Variants in BRINP1 observed in about 807,000 individuals in gnomAD.
BRINP1 encodes the protein BMP/retinoic acid inducible neural specific 1.
A neutral mutation model predicts 72.9 loss-of-function variants in BRINP1; 17 were observed. The observed-to-expected ratio is 0.23, with a 90% CI of 0.16 to 0.35. The LOEUF (loss-of-function observed/expected upper bound fraction) is 0.35, where lower values mean the gene tolerates loss of function less well. BRINP1 is among the 10% of genes least tolerant of loss of function. The probability of loss-of-function intolerance (pLI) is 1.00; values close to 1 mark genes in which losing one functional copy is unlikely to be tolerated. For synonymous variants in BRINP1, 418 were observed against 378.5 expected, an observed-to-expected ratio of 1.10 and a Z score of -1.21; for missense variants, 850 against 1,001.6, an observed-to-expected ratio of 0.85 and a Z score of 2.04.
chr9:119,242,262 T>C, intron 3 of BRINP1, 46 bp from the exon 4 acceptor site: 1 of 1,540,918 alleles, frequency 6.5e-7, no homozygotes, highest in Non-Finnish European at 8.9e-7. Context: ...GGAGCTTTCA[T>C]GTGAGAGGAC....
intron 2 of BRINP1, among the ~76,000 whole-genome samples, chr9:119,285,524 T>C (rs1830752872): frequency 6.6e-6 from 1 of 152,176 alleles, no homozygotes; most frequent in Non-Finnish European, 1.5e-5. Context: ...CTAATAAGTG[T>C]TAGAGGTGTG....
chr9:119,207,592 A>G (rs1218167924), intron 7 of BRINP1, among the ~76,000 whole-genome samples: 2 of 152,170 alleles, frequency 1.3e-5, no homozygotes, highest in Non-Finnish European at 1.5e-5. Context: ...TTGTCTTGAG[A>G]TATTTTCAAA....
chr9:119,257,482 G>A (rs750644978), intron 2 of BRINP1, among the ~76,000 whole-genome samples: 1 of 152,182 alleles, frequency 6.6e-6, no homozygotes, highest in Non-Finnish European at 1.5e-5. Flanking sequence ...ATTGAACCCC[G>A]AATAAAGGTT....
chr9:119,307,093 T>G (rs1326359512), intron 2 of BRINP1, among the ~76,000 whole-genome samples: 1 of 151,928 alleles, frequency 6.6e-6, no homozygotes, highest in Non-Finnish European at 1.5e-5. Flanking sequence ...GGCTATCCTA[T>G]GCATTGTAAG....
rs1413313753 is a variant in BRINP1, at chr9:119,213,995, G to A, written c.846C>T (p.Asp282=). The change falls in exon 6 of 8, where the codon GAC becomes GAT. Residue 282 remains aspartate, a synonymous_variant. Coordinates refer to ENST00000265922, the MANE Select transcript of BRINP1 (RefSeq NM_014618.3). ...CCAGCGTGTACTCCATGATCTGGAT[G>A]TCCGTGATGGGGCAGTTGCACTGCG... ...EFPQCNCPIT[D]IQIMEYTLAN... 3.7e-6 allele frequency: 6 copies of A among 1,614,150 alleles called. No homozygotes were observed. The highest frequency in any genetic ancestry group is 4.2e-6 in the Non-Finnish European group (5 of 1,180,012).
intron 2 of BRINP1, among the ~76,000 whole-genome samples, chr9:119,293,088 G>C (rs986959520): frequency 1.3e-5 from 2 of 152,120 alleles, no homozygotes; most frequent in Non-Finnish European, 1.5e-5. Flanking sequence ...CTGGACTGAA[G>C]TTTCCTAAAA....
At chr9:119,218,923 T>A (rs1830009879) in intron 5 of BRINP1, among the ~76,000 whole-genome samples, 1 of 152,028 alleles carries the variant, frequency 6.6e-6, no homozygotes, top group Non-Finnish European at 1.5e-5. Flanking sequence ...AATGCCATGG[T>A]ATAAGAAGCC....
chr9:119,286,301 C>T (rs377632063), intron 2 of BRINP1, among the ~76,000 whole-genome samples: 1 of 151,340 alleles, frequency 6.6e-6, no homozygotes, highest in Admixed American at 6.6e-5. Context: ...GGCGTGATCT[C>T]GGCTCACTGC....
chr9:119,288,352 T>A (rs1318394625), intron 2 of BRINP1, among the ~76,000 whole-genome samples: 1 of 151,974 alleles, frequency 6.6e-6, no homozygotes, highest in Non-Finnish European at 1.5e-5. Flanking sequence ...CTTTTTAAAT[T>A]TTTTTTAACC....
At chr9:119,320,542 G>T (rs969550767) in intron 1 of BRINP1, among the ~76,000 whole-genome samples, 1 of 152,094 alleles carries the variant, frequency 6.6e-6, no homozygotes, top group Non-Finnish European at 1.5e-5. Flanking sequence ...GAAGTGCTCC[G>T]AACAAAATCA....
intron 1 of BRINP1, among the ~76,000 whole-genome samples, chr9:119,318,844 G>GGGGGGTGT (rs111313745): frequency 6.5e-4 from 93 of 142,234 alleles, no homozygotes; most frequent in African/African-American, 2.2e-3. Context: ...AAATGTGTGG[G>GGGGGGTGT]GTGTGTGTGT....
intron 2 of BRINP1, among the ~76,000 whole-genome samples, chr9:119,264,005 G>A (rs902578734): frequency 3.3e-5 from 5 of 152,082 alleles, no homozygotes; most frequent in African/African-American, 4.8e-5. Flanking sequence ...GGCACTTCCC[G>A]CAATCAGATT....
intron 3 of BRINP1, among the ~76,000 whole-genome samples, chr9:119,246,644 C>A (rs1012643668): frequency 6.6e-6 from 1 of 152,266 alleles, no homozygotes; most frequent in Non-Finnish European, 1.5e-5. Flanking sequence ...GGTGAACAGC[C>A]GGAGGCAGGA....
rs556358758 is a variant in BRINP1, at chr9:119,324,149, C to T, written c.-50-10744G>A. Among the ~76,000 whole-genome samples, 8 of 151,962 alleles carry T rather than the reference C, an allele frequency of 5.3e-5. No homozygotes were observed. The South Asian group carries it at 1.5e-3, about 28-fold the overall frequency. ...TCATGAATTAAAACACCTTGGTGCC[C>T]AACTCAGTACAAACGTCCAATTAAT... is the stretch of plus-strand genomic sequence containing the variant. On this transcript the variant is annotated intron_variant, in intron 1 of 7. Transcript: ENST00000265922.
chr9:119,183,142 A>C (rs1448009529), intron 7 of BRINP1, among the ~76,000 whole-genome samples: 2 of 152,218 alleles, frequency 1.3e-5, no homozygotes, highest in Non-Finnish European at 2.9e-5. Flanking sequence ...TGAACATATG[A>C]ATACAGTACA....
chr9:119,268,242 CAATA>C (rs879471628), intron 2 of BRINP1, among the ~76,000 whole-genome samples: 12 of 80,980 alleles, frequency 1.5e-4, no homozygotes, highest in African/African-American at 2.8e-4. Flanking sequence ...GACTCTGTCT[CAATA>C]AATAGATAGA....
chr9:119,283,325 T>G (rs1830731486), intron 2 of BRINP1: 1 of 313,088 alleles, frequency 3.2e-6, no homozygotes, highest in Admixed American at 6.5e-5. Flanking sequence ...ACTCAGAAAC[T>G]GTGGGTGGAG....
At chr9:119,232,244 C>CT (rs1361903069) in intron 5 of BRINP1, among the ~76,000 whole-genome samples, 3 of 152,268 alleles carry the variant, frequency 2.0e-5, no homozygotes, top group Non-Finnish European at 2.9e-5. Context: ...ATTCAGTCAC[C>CT]TCTCACCACC....
chr9:119,275,563 A>T (rs1448731681), intron 2 of BRINP1, among the ~76,000 whole-genome samples: 1 of 152,156 alleles, frequency 6.6e-6, no homozygotes, highest in Non-Finnish European at 1.5e-5. Flanking sequence ...ACTCTCCAAG[A>T]TTAATCCTGA....
Sources: gnomAD v4.1 joint callset for allele counts (sites outside exome capture counted in the v4.1 genomes callset) on GRCh38, gnomAD v4.1.1 for gene constraint, MANE v1.5 for transcripts, NCBI Gene and HGNC (gene_info 2026-07-23, HGNC 2026-07-21) for gene names.